The following SAMD5 variants were observed in gnomAD, a reference collection of about 807,000 sequenced individuals.
The protein encoded by SAMD5 is sterile alpha motif domain containing 5, also known as sterile alpha motif domain-containing protein 5.
A neutral mutation model predicts 11.3 loss-of-function variants in SAMD5; 13 were observed. The ratio of observed to expected loss-of-function variants is 1.15; its 90% CI spans 0.75 to 1.83. SAMD5 has a LOEUF of 1.83. SAMD5 is among the 40% of genes most tolerant of loss of function. The probability of loss-of-function intolerance (pLI) is 0.00; values close to 1 mark genes in which losing one functional copy is unlikely to be tolerated. For synonymous variants in SAMD5, 129 were observed against 111.3 expected, an observed-to-expected ratio of 1.16 and a Z score of -1.00; for missense variants, 255 against 239.1, an observed-to-expected ratio of 1.07 and a Z score of -0.44.
intron 1 of SAMD5, among the ~76,000 whole-genome samples, chr6:147,533,085 G>A (rs1788454439): frequency 6.6e-6 from 1 of 152,144 alleles, no homozygotes; most frequent in African/African-American, 2.4e-5. Flanking sequence ...GGGTTGGGAA[G>A]GGGGCTGGCG....
chr6:147,667,256 GTTA>G (rs1583131625), intron 1 of SAMD5, among the ~76,000 whole-genome samples: 1 of 152,026 alleles, frequency 6.6e-6, no homozygotes, highest in Non-Finnish European at 1.5e-5. Flanking sequence ...TAGGTAAGGT[GTTA>G]TTGTTGTTGT....
the SAMD5 span, among the ~76,000 whole-genome samples, chr6:147,757,412 TACTC>T: frequency 6.6e-6 from 1 of 152,174 alleles, no homozygotes; most frequent in Non-Finnish European, 1.5e-5. Context: ...TGAGTATAAA[TACTC>T]ACAGATGTCC....
chr6:147,853,797 G>A, the SAMD5 span, among the ~76,000 whole-genome samples: 8 of 151,944 alleles, frequency 5.3e-5, no homozygotes, highest in East Asian at 1.9e-4. Context: ...GAATTTTTCC[G>A]TGTAACAATC....
chr6:147,862,382 T>G, the SAMD5 span, among the ~76,000 whole-genome samples: 1 of 152,208 alleles, frequency 6.6e-6, no homozygotes, highest in Non-Finnish European at 1.5e-5. Flanking sequence ...CTCTAGAATT[T>G]ATCAGTTCTC....
chr6:147,570,455 C>T (rs1159067252), downstream of SAMD5, among the ~76,000 whole-genome samples: 3 of 152,108 alleles, frequency 2.0e-5, no homozygotes, highest in Non-Finnish European at 2.9e-5. Flanking sequence ...GCAATATTTC[C>T]GTGTTCATTA....
the SAMD5 span, among the ~76,000 whole-genome samples, chr6:147,917,383 C>T: frequency 0.47 from 68,973 of 145,548 alleles, 16,865 homozygotes; most frequent in African/African-American, 0.61. Context: ...TCATGTCCTT[C>T]GCCCACTTTT....
the SAMD5 span, among the ~76,000 whole-genome samples, chr6:147,796,077 C>G: frequency 4.7e-5 from 7 of 148,322 alleles, no homozygotes; most frequent in East Asian, 9.8e-4. Flanking sequence ...TTAATTAGAT[C>G]CCATTTGTCA....
At chr6:147,701,292 C>T (rs915774998) in intron 1 of SAMD5, among the ~76,000 whole-genome samples, 2 of 152,018 alleles carry the variant, frequency 1.3e-5, no homozygotes, top group Non-Finnish European at 2.9e-5. Flanking sequence ...TATATATAAG[C>T]ATGCATATAC....
At chr6:147,922,497 A>C in the SAMD5 span, among the ~76,000 whole-genome samples, 4 of 152,180 alleles carry the variant, frequency 2.6e-5, no homozygotes, top group African/African-American at 9.7e-5. Context: ...GCTAAAAATC[A>C]AAAAGAATAT....
the SAMD5 span, among the ~76,000 whole-genome samples, chr6:147,909,565 T>TTTCA: frequency 3.5e-5 from 1 of 28,732 alleles, no homozygotes; most frequent in Non-Finnish European, 6.2e-5. Context: ...ATCTTTTTTC[T>TTTCA]TTCTTTCTTT....
the SAMD5 span, among the ~76,000 whole-genome samples, chr6:147,880,334 C>G: frequency 2.6e-3 from 403 of 152,136 alleles, 1 homozygote; most frequent in African/African-American, 9.4e-3. Flanking sequence ...CTCTCCTTCT[C>G]TTTCTTTCTC....
At chr6:147,935,732 G>C in the SAMD5 span, among the ~76,000 whole-genome samples, 3 of 152,290 alleles carry the variant, frequency 2.0e-5, no homozygotes, top group African/African-American at 7.2e-5. Flanking sequence ...AGCTTGACAA[G>C]GTCTCCCTAG....
intron 1 of SAMD5, among the ~76,000 whole-genome samples, chr6:147,545,468 A>G (rs1788670601): frequency 6.6e-6 from 1 of 152,140 alleles, no homozygotes; most frequent in East Asian, 1.9e-4. Flanking sequence ...ACACTAAACA[A>G]ATGCAAGTTC....
the SAMD5 span, among the ~76,000 whole-genome samples, chr6:147,934,208 T>C: frequency 6.6e-6 from 1 of 152,232 alleles, no homozygotes. Context: ...AAAGAAGTCA[T>C]TCTATAATAG....
chr6:147,643,746 AAGGAAGG>A (rs1225614683), intron 1 of SAMD5, among the ~76,000 whole-genome samples: 2 of 90,470 alleles, frequency 2.2e-5, no homozygotes, highest in East Asian at 5.6e-4. Context: ...GGAAGGAAAG[AAGGAAGG>A]AAGGAAGGAA....
At chr6:147,800,631 A>G in the SAMD5 span, among the ~76,000 whole-genome samples, 1 of 152,202 alleles carries the variant, frequency 6.6e-6, no homozygotes, top group Non-Finnish European at 1.5e-5. Flanking sequence ...TGCCCATCCT[A>G]TTTTTAAAGA....
rs941504089 is a variant in SAMD5, at chr6:147,569,485, A to C, written c.*5029A>C. 7.4e-5 allele frequency: 67 copies of C among 900,692 alleles called. No homozygotes were observed. The African/African-American group carries it at 1.1e-3, about 15-fold the overall frequency. The allele number at this position is 900,692 out of a possible 1,614,324, so 55.8% of individuals were successfully genotyped here. A position where few individuals can be genotyped will look rare whatever the true frequency, so the allele number is the denominator to read the frequency against. On this transcript the variant is annotated 3_prime_UTR_variant, in exon 2 of 2. Transcript: ENST00000367474. Reference sequence around the variant, plus strand: ...AAATCTACAATAAATCTACTTTCTAAATATTATTTAAGATGGGAAATGTCT... The same window carrying C: ...AAATCTACAATAAATCTACTTTCTACATATTATTTAAGATGGGAAATGTCT...
At chr6:147,887,943 T>G in the SAMD5 span, among the ~76,000 whole-genome samples, 1 of 152,310 alleles carries the variant, frequency 6.6e-6, no homozygotes, top group East Asian at 1.9e-4. Context: ...CTTTTCATGT[T>G]CTTATTTTAC....
At chr6:147,907,171 C>T in the SAMD5 span, among the ~76,000 whole-genome samples, 1 of 152,202 alleles carries the variant, frequency 6.6e-6, no homozygotes, top group Admixed American at 6.5e-5. Context: ...GTAGTCTTCA[C>T]TCTTGCAATT....
Sources: allele counts gnomAD v4.1 joint callset (sites outside exome capture counted in the v4.1 genomes callset), GRCh38; gene constraint gnomAD v4.1.1; transcripts MANE v1.5; gene names NCBI Gene and HGNC (gene_info 2026-07-23, HGNC 2026-07-21).